Variants in CPNE4 observed in about 807,000 individuals in gnomAD.
CPNE4 encodes the protein copine-4.
In CPNE4, 25 loss-of-function variants were observed where a neutral mutation model predicts 67.9. The ratio of observed to expected loss-of-function variants is 0.37; its 90% CI spans 0.27 to 0.51. The LOEUF (loss-of-function observed/expected upper bound fraction) is 0.51. Among genes scored for constraint, CPNE4 ranks in the 20% least tolerant of loss-of-function variants. CPNE4 has a pLI of 0.93. For missense variants in CPNE4, 464 were observed against 690.8 expected, an observed-to-expected ratio of 0.67 and a Z score of 3.68; for synonymous variants, 242 against 244.9, an observed-to-expected ratio of 0.99 and a Z score of 0.11.
chr3:131,611,036 C>T (rs1044061032), intron 7 of CPNE4, among the ~76,000 whole-genome samples: 1 of 152,098 alleles, frequency 6.6e-6, no homozygotes, highest in Admixed American at 6.6e-5. Flanking sequence ...CCTTTATGTC[C>T]GTGATATAAA....
chr3:131,596,621 C>CA (rs58456346), intron 7 of CPNE4, among the ~76,000 whole-genome samples: 11,076 of 32,942 alleles, frequency 0.34, 3,803 homozygotes, highest in Non-Finnish European at 0.48. Flanking sequence ...GACTCCGTCT[C>CA]AAAAAAAAAA....
At chr3:131,997,538 G>T (rs1176073404) in intron 1 of CPNE4, among the ~76,000 whole-genome samples, 2 of 152,070 alleles carry the variant, frequency 1.3e-5, no homozygotes, top group Non-Finnish European at 1.5e-5. Flanking sequence ...AAATGAAAGG[G>T]CTGGCCTAGA....
intron 13 of CPNE4, among the ~76,000 whole-genome samples, chr3:131,551,952 T>C (rs950625104): frequency 6.6e-6 from 1 of 151,820 alleles, no homozygotes; most frequent in Non-Finnish European, 1.5e-5. Context: ...CACAAAGCCA[T>C]GATGCTGCTT....
intron 6 of CPNE4, among the ~76,000 whole-genome samples, chr3:131,679,119 T>C (rs1462922076): frequency 2.0e-5 from 3 of 152,220 alleles, no homozygotes; most frequent in Non-Finnish European, 4.4e-5. Context: ...GTTATTGGTC[T>C]GTTCAGAGAT....
intron 7 of CPNE4, among the ~76,000 whole-genome samples, chr3:131,600,795 T>C (rs1939161251): frequency 6.6e-6 from 1 of 152,190 alleles, no homozygotes; most frequent in Non-Finnish European, 1.5e-5. Context: ...AGAAGGGGCA[T>C]CTCAAAGCAT....
chr3:131,942,926 C>G (rs878914960), intron 1 of CPNE4, among the ~76,000 whole-genome samples: 1 of 152,134 alleles, frequency 6.6e-6, no homozygotes, highest in Admixed American at 6.6e-5. Context: ...AGTTCTGCTG[C>G]CACCTATTTG....
At chr3:131,699,471 G>C in intron 4 of CPNE4, among the ~76,000 whole-genome samples, 1 of 152,122 alleles carries the variant, frequency 6.6e-6, no homozygotes, top group East Asian at 1.9e-4. Context: ...TGTTTGTCAG[G>C]AAACAAACCA....
intron 1 of CPNE4, among the ~76,000 whole-genome samples, chr3:131,987,473 G>A (rs754959909): frequency 6.7e-5 from 10 of 150,268 alleles, no homozygotes; most frequent in South Asian, 6.3e-4. Flanking sequence ...TGTAACCTCC[G>A]TCTCCCAGGT....
chr3:131,968,060 T>C (rs1482258696), intron 1 of CPNE4, among the ~76,000 whole-genome samples: 1 of 152,168 alleles, frequency 6.6e-6, no homozygotes, highest in Non-Finnish European at 1.5e-5. Flanking sequence ...ACCACACATC[T>C]ACAACCATCT....
intron 2 of CPNE4, among the ~76,000 whole-genome samples, chr3:131,826,770 G>C (rs1513379): frequency 0.24 from 35,763 of 152,086 alleles, 4,802 homozygotes; most frequent in Middle Eastern, 0.34. Context: ...AGTGGCTTAT[G>C]TCTGTAATAC....
chr3:131,965,773 G>A (rs6797242), intron 1 of CPNE4, among the ~76,000 whole-genome samples: 54,623 of 151,842 alleles, frequency 0.36, 10,265 homozygotes, highest in Non-Finnish European at 0.42. Context: ...CAAAATAGTA[G>A]TGGGAGACTT....
At chr3:131,749,087 C>G (rs1481224524) in intron 2 of CPNE4, among the ~76,000 whole-genome samples, 2 of 151,906 alleles carry the variant, frequency 1.3e-5, no homozygotes, top group Non-Finnish European at 2.9e-5. Context: ...GTATTAGAAG[C>G]GCACTCAGCA....
At chr3:131,953,597 T>C (rs1289881729) in intron 1 of CPNE4, among the ~76,000 whole-genome samples, 2 of 152,238 alleles carry the variant, frequency 1.3e-5, no homozygotes, top group Non-Finnish European at 2.9e-5. Context: ...TATTATCTTT[T>C]GCAGAAACAT....
At chr3:131,671,151 C>T (rs1055619530) in intron 6 of CPNE4, among the ~76,000 whole-genome samples, 1 of 152,168 alleles carries the variant, frequency 6.6e-6, no homozygotes, top group African/African-American at 2.4e-5. Context: ...GTGATTCCCT[C>T]TTCCACCGGA....
At chr3:131,762,198 G>A (rs968808542) in intron 2 of CPNE4, among the ~76,000 whole-genome samples, 2 of 152,024 alleles carry the variant, frequency 1.3e-5, no homozygotes, top group South Asian at 4.2e-4. Context: ...TTGGCTAGAA[G>A]TTGACAACTT....
chr3:131,982,856 T>A (rs1471521198), intron 1 of CPNE4, among the ~76,000 whole-genome samples: 4 of 152,034 alleles, frequency 2.6e-5, no homozygotes, highest in Non-Finnish European at 4.4e-5. Flanking sequence ...TACATATATA[T>A]GAAATACTAT....
At chr3:131,773,958 T>C (rs982051085) in intron 2 of CPNE4, among the ~76,000 whole-genome samples, 7 of 152,190 alleles carry the variant, frequency 4.6e-5, no homozygotes, top group Non-Finnish European at 7.3e-5. Context: ...GCTGGACATT[T>C]TCAGTGCCAT....
intron 8 of CPNE4, among the ~76,000 whole-genome samples, chr3:131,586,737 T>C (rs1305689029): frequency 6.9e-6 from 1 of 145,532 alleles, no homozygotes; most frequent in Non-Finnish European, 1.5e-5. Flanking sequence ...TCTGTCTGTC[T>C]GTCTGTCTGT....
At chr3:131,930,641 G>A (rs557180588) in intron 1 of CPNE4, among the ~76,000 whole-genome samples, 2 of 152,236 alleles carry the variant, frequency 1.3e-5, no homozygotes, top group East Asian at 3.9e-4. Flanking sequence ...GCTTAGTACA[G>A]TGTCTGCCAC....
Sources: gnomAD v4.1 joint callset for allele counts (sites outside exome capture counted in the v4.1 genomes callset) on GRCh38, gnomAD v4.1.1 for gene constraint, MANE v1.5 for transcripts, NCBI Gene and HGNC (gene_info 2026-07-23, HGNC 2026-07-21) for gene names.